SMYD3: variants seen among roughly 807,000 people sequenced by gnomAD.
SMYD3 encodes the protein SET and MYND domain containing 3.
SMYD3 carries 36 observed loss-of-function variants against 57.7 expected under a neutral mutation model. The ratio of observed to expected loss-of-function variants is 0.62; its 90% CI spans 0.48 to 0.82. The LOEUF (loss-of-function observed/expected upper bound fraction) is 0.82, where lower values mean the gene tolerates loss of function less well. Among genes scored for constraint, SMYD3 ranks in the 40% least tolerant of loss-of-function variants. The pLI is 0.00. For missense variants in SMYD3, 515 were observed against 538.8 expected, an observed-to-expected ratio of 0.96 and a Z score of 0.44; for synonymous variants, 211 against 195.0, an observed-to-expected ratio of 1.08 and a Z score of -0.68.
chr1:246,284,933 A>G (rs2064529319), intron 5 of SMYD3, among the ~76,000 whole-genome samples: 2 of 151,088 alleles, frequency 1.3e-5, no homozygotes, highest in Admixed American at 6.6e-5. Context: ...ACTCATGTTT[A>G]CTAGTGATAT....
Position 245,863,085 on chromosome 1 carries a change from T to G in SMYD3, c.901+714A>C, listed in dbSNP as rs149313535. Among the ~76,000 whole-genome samples, 903 of 152,358 alleles carry G rather than the reference T, an allele frequency of 5.9e-3. 12 individuals are homozygous for G. Among genetic ancestry groups the G allele is most frequent in the African/African-American group, 0.02 (846 of 41,580 alleles). On this transcript the variant is annotated intron_variant, in intron 9 of 11. Coordinates refer to ENST00000490107, the MANE Select transcript of SMYD3 (RefSeq NM_001167740.2). ...ATAAATTTACCCCAGAGCCTCTGAA[T>G]GACCTTTTGCAGTCTTTTCATCCAC...
At chr1:246,392,915 T>C (rs1477820383) in intron 1 of SMYD3, among the ~76,000 whole-genome samples, 2 of 150,132 alleles carry the variant, frequency 1.3e-5, no homozygotes, top group Non-Finnish European at 3.0e-5. Flanking sequence ...ATTATGGAAA[T>C]AGAAATCAAA....
intron 5 of SMYD3, among the ~76,000 whole-genome samples, chr1:246,030,955 T>G (rs1449911579): frequency 6.6e-6 from 1 of 152,120 alleles, no homozygotes; most frequent in African/African-American, 2.4e-5. Flanking sequence ...ACGTGTTTAG[T>G]GGGGGTGCAC....
chr1:246,335,403 G>A lies in SMYD3; in HGVS notation c.300C>T (p.Asp100=). 1 of 1,614,078 alleles carries A rather than the reference G, an allele frequency of 6.2e-7. No individual in the cohort carries two copies. The highest frequency in any genetic ancestry group is 1.1e-5 in the South Asian group (1 of 91,074). Residue 100 remains aspartate, a synonymous_variant, in exon 3 of 12, where the codon GAC becomes GAT. Transcript: ENST00000490107. ...LKSCKPRYPP[D]SVRLLGRVVF... Reference sequence around the variant, plus strand: ...CAACTCTGCCAAGAAGTCGAACGGAGTCTGGAGGATATCTGGGTTTGCAGC... The same window carrying A: ...CAACTCTGCCAAGAAGTCGAACGGAATCTGGAGGATATCTGGGTTTGCAGC...
chr1:245,870,882 G>A (rs1214102720), intron 8 of SMYD3, among the ~76,000 whole-genome samples: 1 of 152,138 alleles, frequency 6.6e-6, no homozygotes, highest in African/African-American at 2.4e-5. Flanking sequence ...CACTTGAACA[G>A]ATGTGTTCAC....
chr1:246,275,497 G>T lies in SMYD3; in HGVS notation c.531+51704C>A, dbSNP rs545916840. Among the ~76,000 whole-genome samples, 37 of 126,924 alleles carry T rather than the reference G, an allele frequency of 2.9e-4. 5 individuals are homozygous for T. Among genetic ancestry groups the T allele is most frequent in the African/African-American group, 1.0e-3 (37 of 36,986 alleles). The allele number at this position is 126,924 out of a possible 152,430, so 83.3% of individuals were successfully genotyped here. A position where few individuals can be genotyped will look rare whatever the true frequency, so the allele number is the denominator to read the frequency against. ...GGCAGGTTATTTAATGTCTCTAGTG[G>T]AGTCTGATGCCCATGTTTGAATACT... On this transcript the variant is annotated intron_variant, in intron 5 of 11. Coordinates refer to ENST00000490107, the MANE Select transcript of SMYD3 (RefSeq NM_001167740.2).
intron 7 of SMYD3, among the ~76,000 whole-genome samples, chr1:245,920,056 G>T (rs1378248268): frequency 6.6e-6 from 1 of 151,876 alleles, no homozygotes; most frequent in African/African-American, 2.4e-5. Context: ...GCTCACGCCT[G>T]TAATCCCAGC....
intron 5 of SMYD3, among the ~76,000 whole-genome samples, chr1:246,082,966 G>A (rs35629411): frequency 0.24 from 33,029 of 135,244 alleles, 6,037 homozygotes; most frequent in African/African-American, 0.49. Context: ...GTACCCAGGG[G>A]CACAAACACT....
At chr1:246,472,757 A>T (rs773742273) in intron 1 of SMYD3, among the ~76,000 whole-genome samples, 1 of 152,112 alleles carries the variant, frequency 6.6e-6, no homozygotes, top group Non-Finnish European at 1.5e-5. Context: ...AAAAAAGTCA[A>T]ACAGAAAAAA....
intron 5 of SMYD3, among the ~76,000 whole-genome samples, chr1:246,149,748 C>CA (rs2061912723): frequency 6.6e-6 from 1 of 152,148 alleles, no homozygotes; most frequent in Non-Finnish European, 1.5e-5. Flanking sequence ...GCCAAGTAGA[C>CA]AGAATATTAA....
intron 5 of SMYD3, among the ~76,000 whole-genome samples, chr1:245,945,179 C>A (rs2057391029): frequency 6.6e-6 from 1 of 152,102 alleles, no homozygotes; most frequent in African/African-American, 2.4e-5. Context: ...AAGAAACTGT[C>A]ATCAGAGCAA....
chr1:245,803,624 C>G (rs1158556258), intron 10 of SMYD3, among the ~76,000 whole-genome samples: 1 of 152,204 alleles, frequency 6.6e-6, no homozygotes, highest in South Asian at 2.1e-4. Flanking sequence ...TATTATGTAA[C>G]AAAACGACAT....
At chr1:246,468,486 C>T (rs1483032687) in intron 1 of SMYD3, among the ~76,000 whole-genome samples, 1 of 151,708 alleles carries the variant, frequency 6.6e-6, no homozygotes, top group African/African-American at 2.4e-5. Flanking sequence ...ACAAAATATA[C>T]AAAAATTAGC....
At chr1:246,447,535 C>T (rs1231196324) in intron 1 of SMYD3, among the ~76,000 whole-genome samples, 1 of 152,172 alleles carries the variant, frequency 6.6e-6, no homozygotes, top group Non-Finnish European at 1.5e-5. Flanking sequence ...GATTCAGAGG[C>T]CACGCACCTG....
At chr1:245,810,849 C>A (rs986467007) in intron 10 of SMYD3, among the ~76,000 whole-genome samples, 1 of 152,192 alleles carries the variant, frequency 6.6e-6, no homozygotes, top group South Asian at 2.1e-4. Context: ...GCCAAAGCCA[C>A]GTGGCCGAGC....
chr1:246,178,244 T>C (rs2062467720), intron 5 of SMYD3, among the ~76,000 whole-genome samples: 1 of 152,124 alleles, frequency 6.6e-6, no homozygotes, highest in African/African-American at 2.4e-5. Flanking sequence ...ACGGTCCTTC[T>C]GGAATCAAGC....
intron 5 of SMYD3, among the ~76,000 whole-genome samples, chr1:246,245,442 C>T (rs1056504539): frequency 2.6e-5 from 4 of 151,738 alleles, no homozygotes; most frequent in African/African-American, 9.7e-5. Context: ...GACTCTGTCT[C>T]CAAAAACAAA....
At chr1:245,956,756 T>C (rs1275365227) in intron 5 of SMYD3, among the ~76,000 whole-genome samples, 2 of 152,240 alleles carry the variant, frequency 1.3e-5, no homozygotes, top group African/African-American at 2.4e-5. Flanking sequence ...ACTGACTTCT[T>C]GATTTCCTTC....
At chr1:246,111,845 C>T (rs146100941) in intron 5 of SMYD3, among the ~76,000 whole-genome samples, 2 of 152,342 alleles carry the variant, frequency 1.3e-5, no homozygotes, top group Non-Finnish European at 2.9e-5. Flanking sequence ...ATGGCTAATA[C>T]AAGACCTTGC....
Sources: gnomAD v4.1 joint callset for allele counts (sites outside exome capture counted in the v4.1 genomes callset) on GRCh38, gnomAD v4.1.1 for gene constraint, MANE v1.5 for transcripts, NCBI Gene and HGNC (gene_info 2026-07-23, HGNC 2026-07-21) for gene names.